Variants in COL12A1 observed in about 807,000 individuals in gnomAD.
COL12A1 encodes collagen type XII alpha 1 chain, also known as collagen alpha-1(XII) chain.
A neutral mutation model predicts 349.7 loss-of-function variants in COL12A1; 114 were observed. The ratio of observed to expected loss-of-function variants is 0.33; its 90% CI spans 0.28 to 0.38. COL12A1 has a LOEUF of 0.38. Among genes scored for constraint, COL12A1 ranks in the 10% least tolerant of loss-of-function variants. The probability of loss-of-function intolerance (pLI) is 1.00; values close to 1 mark genes in which losing one functional copy is unlikely to be tolerated. For synonymous variants in COL12A1, 1,369 were observed against 1,329.0 expected (o/e 1.03, Z -0.66); for missense variants, 3,284 against 3,756.9 (o/e 0.87, Z 3.29).
chr6:75,091,093 A>C (rs1309274580), intron 62 of COL12A1, among the ~76,000 whole-genome samples: 1 of 152,194 alleles, frequency 6.6e-6, no homozygotes, highest in African/African-American at 2.4e-5. Context: ...TTAGTACTTA[A>C]GTTTACTGCT....
intron 63 of COL12A1, among the ~76,000 whole-genome samples, 186 bp from the exon 64 acceptor site, chr6:75,089,360 G>T (rs1459701300): frequency 6.6e-6 from 1 of 151,970 alleles, no homozygotes; most frequent in Non-Finnish European, 1.5e-5. Context: ...TAGATTTATG[G>T]CCAAGAAAAA....
chr6:75,183,086 T>C lies in COL12A1; in HGVS notation c.1855A>G (p.Arg619Gly). The change falls in exon 10 of 66, where the codon AGA becomes GGA. Residue 619 changes from arginine to glycine, a missense_variant. Arg to Gly is a moderately radical substitution (Grantham distance 125). This residue lies in a region of COL12A1 where 2,601 missense variants were observed against 2,824.8 expected (regional missense o/e 0.92). Transcript: ENST00000322507. ...SFELTQSICL[R>G]IEQELAAIKK... ...ATAGCTGCCAATTCTTGCTCAATTC[T>C]AAGGCAGATAGACTGTGTGAGTTCA... 6.2e-7 allele frequency: 1 copy of C among 1,613,564 alleles called. No homozygotes were observed. The highest frequency in any genetic ancestry group is 8.5e-7 in the Non-Finnish European group (1 of 1,179,906).
At chr6:75,093,421 A>T (rs550556976) in intron 60 of COL12A1, among the ~76,000 whole-genome samples, 15 of 152,360 alleles carry the variant, frequency 9.8e-5, no homozygotes, top group Non-Finnish European at 1.5e-4. Flanking sequence ...TGATTAAGCC[A>T]AGCTCTCTGC....
chr6:75,120,541 A>T (rs1226808503), intron 44 of COL12A1, among the ~76,000 whole-genome samples: 1 of 152,216 alleles, frequency 6.6e-6, no homozygotes, highest in Non-Finnish European at 1.5e-5. Flanking sequence ...TAGACAGAAC[A>T]GAGTCACACA....
intron 9 of COL12A1, 46 bp downstream of exon 9, chr6:75,183,808 C>T (rs1229482452): frequency 3.8e-6 from 6 of 1,596,554 alleles, no homozygotes. Context: ...TTCTGTCAAA[C>T]AGATCTTCAC....
intron 12 of COL12A1, among the ~76,000 whole-genome samples, chr6:75,176,900 G>T (rs1480722633): frequency 1.3e-5 from 2 of 152,064 alleles, no homozygotes; most frequent in Admixed American, 1.3e-4. Context: ...TTCCCCCAAT[G>T]AAATCACGTA....
chr6:75,128,450 T>C lies in COL12A1; in HGVS notation c.6211-25A>G, dbSNP rs766591807. 2.0e-5 allele frequency: 30 copies of C among 1,525,742 alleles called. 1 individual carries two copies. The Admixed American group carries it at 3.8e-4, about 19-fold the overall frequency. The allele number at this position is 1,525,742 out of a possible 1,614,324, so 94.5% of individuals were successfully genotyped here. A position where few individuals can be genotyped will look rare whatever the true frequency, so the allele number is the denominator to read the frequency against. Reference sequence around the variant, plus strand: ...TCTATAGAGGAAGTTAAATTATAAATATATTACCATCTAGAAGACTTCCAG... The same window carrying C: ...TCTATAGAGGAAGTTAAATTATAAACATATTACCATCTAGAAGACTTCCAG... On this transcript the variant is annotated intron_variant, in intron 37 of 65. Coordinates refer to ENST00000322507, the MANE Select transcript of COL12A1 (RefSeq NM_004370.6).
intron 5 of COL12A1, 75 bp downstream of exon 5, chr6:75,191,626 T>C (rs1332956461): frequency 2.1e-6 from 2 of 951,048 alleles, no homozygotes; most frequent in Non-Finnish European, 3.1e-6. Context: ...TCTATGTATA[T>C]AATTGGAACA....
Position 75,130,871 on chromosome 6 carries a change from G to C in COL12A1, c.6048C>G (p.Ser2016Arg). Reference sequence around the variant, plus strand: ...CCTCACGCGTTCGGCCCTGGGCAGGGCTGGGATTTCCCTCTCCATCCGAGT... The same window carrying C: ...CCTCACGCGTTCGGCCCTGGGCAGGCCTGGGATTTCCCTCTCCATCCGAGT... ...ALYSDGEGNP[S>R]PAQGRTLPRS... The change falls in exon 36 of 66, where the codon AGC becomes AGG. Residue 2016 changes from serine to arginine, a missense_variant. By Grantham distance (110) the Ser-to-Arg change is moderately radical. Around this residue, in one of 2 missense-constraint regions of COL12A1, gnomAD observed 2,601 missense variants for 2,824.8 expected, o/e 0.92. Coordinates refer to ENST00000322507, the MANE Select transcript of COL12A1 (RefSeq NM_004370.6). 1 of 1,614,044 alleles carries C rather than the reference G, an allele frequency of 6.2e-7. No individual in the cohort carries two copies. The highest frequency in any genetic ancestry group is 8.5e-7 in the Non-Finnish European group (1 of 1,179,974).
chr6:75,085,825 C>A lies in COL12A1; in HGVS notation c.*722G>T, dbSNP rs576304785. 3 of 158,838 alleles carry A rather than the reference C, an allele frequency of 1.9e-5. No individual in the cohort carries two copies. The highest frequency in any genetic ancestry group is 4.2e-5 in the Non-Finnish European group (3 of 71,424). 9.8% of individuals were successfully genotyped at this position (158,838 alleles called of 1,614,324 possible). On this transcript the variant is annotated 3_prime_UTR_variant, in exon 66 of 66. Coordinates refer to ENST00000322507, the MANE Select transcript of COL12A1 (RefSeq NM_004370.6). ...CCAGGTAATATACAGTACATGACAT[C>A]TTCTGTGGCTGTACCTCACACAAAC...
intron 59 of COL12A1, among the ~76,000 whole-genome samples, chr6:75,097,031 C>A (rs539775203): frequency 6.6e-6 from 1 of 151,906 alleles, no homozygotes; most frequent in South Asian, 2.1e-4. Context: ...TTAGGGATTT[C>A]TTTTTCTTTT....
intron 20 of COL12A1, 104 bp downstream of exon 20, chr6:75,151,763 A>G: frequency 8.2e-7 from 1 of 1,220,004 alleles, no homozygotes; most frequent in South Asian, 1.6e-5. Flanking sequence ...TGATAGAAAA[A>G]AATGGGTATT....
chr6:75,124,409 T>C (rs1370069147), intron 40 of COL12A1, 38 bp from the exon 41 acceptor site: 5 of 1,469,854 alleles, frequency 3.4e-6, no homozygotes, highest in Non-Finnish European at 1.9e-6. Flanking sequence ...ACTTTGTAAA[T>C]TGAGGCAAAA....
chr6:75,164,935 A>G (rs1768210333), intron 14 of COL12A1, among the ~76,000 whole-genome samples: 1 of 152,072 alleles, frequency 6.6e-6, no homozygotes, highest in Non-Finnish European at 1.5e-5. Context: ...TAGGAATAAA[A>G]TAAAAATAAA....
Position 75,138,353 on chromosome 6 carries a change from A to G in COL12A1, c.5231-13T>C. ...GTTAAGATAGGCACTAAAAGAAAAC[A>G]GAATTTGGGAACACATTACTAATAT... is the stretch of plus-strand genomic sequence containing the variant. On this transcript the variant is annotated splice_polypyrimidine_tract_variant and intron_variant, in intron 29 of 65. Coordinates refer to ENST00000322507, the MANE Select transcript of COL12A1 (RefSeq NM_004370.6). The G allele has an allele frequency of 6.2e-7, 1 of 1,610,786 alleles. No homozygotes were observed. The highest frequency in any genetic ancestry group is 2.2e-5 in the East Asian group (1 of 44,860).
In COL12A1 at chr6:75,084,333, T is replaced by C. The variant is rs368277184; in HGVS notation, c.*2214A>G. The C allele has an allele frequency of 2.4e-4, 36 of 152,784 alleles. No individual in the cohort carries two copies. Among genetic ancestry groups the C allele is most frequent in the African/African-American group, 5.1e-4 (21 of 41,578 alleles). The allele number at this position is 152,784 out of a possible 1,614,324, so 9.5% of individuals were successfully genotyped here. On this transcript the variant is annotated 3_prime_UTR_variant, in exon 66 of 66. Transcript: ENST00000322507. ...AGAAAGAAACATGCCATGTCAAATT[T>C]TCAGTAGTTTTATTGAAAAATGCCT...
At position 75,084,865 on chromosome 6, in the gene COL12A1, C is replaced by T. The variant is rs769423197; in HGVS notation, c.*1682G>A. 1.2e-5 allele frequency: 2 copies of T among 166,596 alleles called. No homozygotes were observed. Among genetic ancestry groups the T allele is most frequent in the Non-Finnish European group, 2.6e-5 (2 of 75,980 alleles). The allele number at this position is 166,596 out of a possible 1,614,324, so 10.3% of individuals were successfully genotyped here. A position where few individuals can be genotyped will look rare whatever the true frequency, so the allele number is the denominator to read the frequency against. On this transcript the variant is annotated 3_prime_UTR_variant, in exon 66 of 66. Coordinates refer to ENST00000322507, the MANE Select transcript of COL12A1 (RefSeq NM_004370.6). ...TCGAAATACACAGCAGCTCTGGGTT[C>T]CAGGACTTAACTGCTTAACCTAAGA...
chr6:75,108,361 T>G (rs990433343), intron 52 of COL12A1, among the ~76,000 whole-genome samples: 3 of 152,164 alleles, frequency 2.0e-5, no homozygotes, highest in African/African-American at 7.2e-5. Flanking sequence ...ATGCTGGGAT[T>G]ATAGGCATGA....
At chr6:75,120,524 A>G (rs760284554) in intron 44 of COL12A1, among the ~76,000 whole-genome samples, 47 of 152,208 alleles carry the variant, frequency 3.1e-4, no homozygotes, top group Non-Finnish European at 5.3e-4. Flanking sequence ...TGATTTAGAT[A>G]GAAGATTAGA....
Sources: gnomAD v4.1 joint callset for allele counts (sites outside exome capture counted in the v4.1 genomes callset) on GRCh38, gnomAD v4.1.1 for gene constraint, gnomAD v4.1.1 regional missense constraint, MANE v1.5 for transcripts, NCBI Gene and HGNC (gene_info 2026-07-23, HGNC 2026-07-21) for gene names.